Variants in WDFY1 observed in about 807,000 individuals in gnomAD.
WDFY1 encodes WD repeat and FYVE domain containing 1.
A neutral mutation model predicts 56.4 loss-of-function variants in WDFY1; 32 were observed. That is an observed-to-expected ratio of 0.57 (90% confidence interval 0.43 to 0.76). The LOEUF is 0.76. Ranked by LOEUF, WDFY1 falls within the 30% of genes least tolerant of loss-of-function variation. The pLI is 0.00. For synonymous variants in WDFY1, 192 were observed against 197.3 expected, an observed-to-expected ratio of 0.97 and a Z score of 0.23; for missense variants, 480 against 545.7, an observed-to-expected ratio of 0.88 and a Z score of 1.20.
At chr2:223,902,569 T>TA (rs1265090963) in intron 4 of WDFY1, among the ~76,000 whole-genome samples, 1 of 152,008 alleles carries the variant, frequency 6.6e-6, no homozygotes, top group East Asian at 1.9e-4. Context: ...TGTCTCTAAT[T>TA]AAAAAATAAA....
Position 223,875,426 on chromosome 2 carries a change from A to G in WDFY1, c.*3245T>C, listed in dbSNP as rs956627332. On this transcript the variant is annotated 3_prime_UTR_variant, in exon 12 of 12. Coordinates refer to ENST00000233055, the MANE Select transcript of WDFY1 (RefSeq NM_020830.5). ...AAAAACAGAACCCACAAATAGGAGC[A>G]AAGAACAGTTTTCTAGCATCTCTGG... The G allele has an allele frequency of 6.6e-6, 1 of 151,850 alleles. No individual in the cohort carries two copies. The highest frequency in any genetic ancestry group is 2.4e-5 in the African/African-American group (1 of 41,388). The allele number at this position is 151,850 out of a possible 1,614,324, so 9.4% of individuals were successfully genotyped here.
In WDFY1 at chr2:223,945,295, C is replaced by G; in HGVS notation, c.-11G>C. 1 of 1,564,024 alleles carries G rather than the reference C, an allele frequency of 6.4e-7. No homozygotes were observed. Among genetic ancestry groups the G allele is most frequent in the Non-Finnish European group, 8.6e-7 (1 of 1,162,776 alleles). ...GATTTCGGCCGCCATGTTCGCGCGG[C>G]GACTGCTGCGGCCTCCTCGGCAGGC... On this transcript the variant is annotated 5_prime_UTR_variant, in exon 1 of 12. Coordinates refer to ENST00000233055, the MANE Select transcript of WDFY1 (RefSeq NM_020830.5).
chr2:223,944,824 G>A (rs1489990003), intron 1 of WDFY1, among the ~76,000 whole-genome samples: 1 of 147,048 alleles, frequency 6.8e-6, no homozygotes, highest in Non-Finnish European at 1.5e-5. Context: ...TCCTGGGCTG[G>A]AAAGACACGT....
chr2:223,898,991 A>G lies in WDFY1; in HGVS notation c.565T>C (p.Cys189Arg), dbSNP rs1394560145. Residue 189 changes from cysteine to arginine, a missense_variant, in exon 6 of 12, where the codon TGT becomes CGT. By Grantham distance (180) the Cys-to-Arg change is radical. Coordinates refer to ENST00000233055, the MANE Select transcript of WDFY1 (RefSeq NM_020830.5). ...ITLLKLEQNT[C>R]SVITTLKGHE... The stretch of plus-strand genomic sequence containing the variant: ...CCTTTGAGGGTTGTGATGACTGAAC[A>G]CGTGTTCTGTTCAAGCTTCAGCAGG... 1 of 1,614,164 alleles carries G rather than the reference A, an allele frequency of 6.2e-7. No homozygotes were observed. The highest frequency in any genetic ancestry group is 8.5e-7 in the Non-Finnish European group (1 of 1,180,000).
chr2:223,888,483 G>C (rs1693208969), intron 8 of WDFY1, among the ~76,000 whole-genome samples: 1 of 151,984 alleles, frequency 6.6e-6, no homozygotes, highest in Non-Finnish European at 1.5e-5. Flanking sequence ...TGTCTGTTAA[G>C]CAGTACATCA....
rs545940284 is a variant in WDFY1 at position 223,911,399 on chromosome 2, T to C, written c.279+854A>G. On this transcript the variant is annotated intron_variant, in intron 3 of 11. Transcript: ENST00000233055. ...TACTTTAAAATGGTAAATATAATTA[T>C]GTTATTTAAGTTATATTTCAATTAA... is the stretch of plus-strand genomic sequence containing the variant. Among the ~76,000 whole-genome samples, 3 of 152,292 alleles carry C rather than the reference T, an allele frequency of 2.0e-5. No individual in the cohort carries two copies. The South Asian group carries it at 6.2e-4, about 32-fold the overall frequency.
At position 223,939,218 on chromosome 2, in the gene WDFY1, G is replaced by A. The variant is rs80044189; in HGVS notation, c.137+5930C>T. ...TTTCCAAATCAGAAACTCTGGGGGT[G>A]GGGTCCAGCAACCCGAATTTCAACA... is the stretch of plus-strand genomic sequence containing the variant. On this transcript the variant is annotated intron_variant, in intron 1 of 11. Coordinates refer to ENST00000233055, the MANE Select transcript of WDFY1 (RefSeq NM_020830.5). 1.1e-3 allele frequency among the ~76,000 whole-genome samples: 172 copies of A among 152,248 alleles called. 3 individuals carry two copies. In the East Asian group the frequency reaches 0.024, roughly 21 times the overall value.
chr2:223,882,853 A>G (rs191566316), intron 9 of WDFY1, among the ~76,000 whole-genome samples: 2 of 152,088 alleles, frequency 1.3e-5, no homozygotes, highest in African/African-American at 4.8e-5. Flanking sequence ...TCAGCCTTCC[A>G]AGTAGCTGGC....
intron 6 of WDFY1, among the ~76,000 whole-genome samples, chr2:223,896,478 T>C (rs1693380982): frequency 6.6e-6 from 1 of 152,190 alleles, no homozygotes; most frequent in Admixed American, 6.5e-5. Context: ...AAGTAATTTA[T>C]GTGAAAAATC....
intron 8 of WDFY1, among the ~76,000 whole-genome samples, chr2:223,891,151 G>C (rs949055970): frequency 6.6e-6 from 1 of 151,908 alleles, no homozygotes; most frequent in Admixed American, 6.6e-5. Context: ...TGAGGCGGGC[G>C]GATCACTTGA....
At chr2:223,904,074 C>A (rs1693557581) in intron 4 of WDFY1, among the ~76,000 whole-genome samples, 1 of 152,130 alleles carries the variant, frequency 6.6e-6, no homozygotes. Flanking sequence ...GATAAACCTG[C>A]ACATGATGGC....
intron 7 of WDFY1, 53 bp downstream of exon 7, chr2:223,895,451 C>G: frequency 6.2e-7 from 1 of 1,612,718 alleles, no homozygotes; most frequent in East Asian, 2.2e-5. Flanking sequence ...ATGCCTTTCA[C>G]TAGCTCCCCA....
chr2:223,922,281 A>G (rs1693899873), intron 1 of WDFY1, among the ~76,000 whole-genome samples: 1 of 152,254 alleles, frequency 6.6e-6, no homozygotes, highest in Non-Finnish European at 1.5e-5. Context: ...CTTCTATCCA[A>G]TGATGATCCT....
At position 223,882,090 on chromosome 2, in the gene WDFY1, A is replaced by C; in HGVS notation, c.934-18T>G. ...CAGTGATGCTTCACAGGTGACCGGGAGGAGGAAAACAGGGTGTTAGCTTTC... is the reference window on the plus strand; with the variant it reads ...CAGTGATGCTTCACAGGTGACCGGGCGGAGGAAAACAGGGTGTTAGCTTTC... On this transcript the variant is annotated intron_variant, in intron 9 of 11. Coordinates refer to ENST00000233055, the MANE Select transcript of WDFY1 (RefSeq NM_020830.5). 1 of 1,609,960 alleles carries C rather than the reference A, an allele frequency of 6.2e-7. No homozygotes were observed. The highest frequency in any genetic ancestry group is 8.5e-7 in the Non-Finnish European group (1 of 1,177,668).
chr2:223,891,374 C>G (rs1416492053), intron 8 of WDFY1, among the ~76,000 whole-genome samples: 1 of 1,486 alleles, frequency 6.7e-4, no homozygotes, highest in Non-Finnish European at 4.2e-3. Flanking sequence ...CAGAGCTAGA[C>G]TCCGTCTCAA....
chr2:223,932,001 T>A (rs944534557), intron 1 of WDFY1, among the ~76,000 whole-genome samples: 1 of 151,534 alleles, frequency 6.6e-6, no homozygotes, highest in Non-Finnish European at 1.5e-5. Context: ...GGTCTAATTT[T>A]TTTTTTTTCC....
At chr2:223,914,986 A>G (rs943440875) in intron 2 of WDFY1, among the ~76,000 whole-genome samples, 1 of 152,232 alleles carries the variant, frequency 6.6e-6, no homozygotes, top group Non-Finnish European at 1.5e-5. Context: ...ATTGGTGGAT[A>G]TAACCACTAA....
intron 1 of WDFY1, among the ~76,000 whole-genome samples, chr2:223,939,001 C>T (rs1178033104): frequency 6.6e-6 from 1 of 152,014 alleles, no homozygotes; most frequent in South Asian, 2.1e-4. Context: ...ATTACAGGTG[C>T]ACACTACCAT....
intron 8 of WDFY1, among the ~76,000 whole-genome samples, chr2:223,892,602 C>G (rs1693297727): frequency 6.6e-6 from 1 of 152,130 alleles, no homozygotes; most frequent in Admixed American, 6.5e-5. Flanking sequence ...ATGAAAGCCC[C>G]TTGATCACTT....
Sources: gnomAD v4.1 joint callset for allele counts (sites outside exome capture counted in the v4.1 genomes callset) on GRCh38, gnomAD v4.1.1 for gene constraint, MANE v1.5 for transcripts, NCBI Gene and HGNC (gene_info 2026-07-23, HGNC 2026-07-21) for gene names.